Variants in MARCHF1 observed in about 807,000 individuals in gnomAD.
MARCHF1 encodes the protein membrane associated ring-CH-type finger 1.
MARCHF1 carries 40 observed loss-of-function variants against 54.2 expected under a neutral mutation model. The ratio of observed to expected loss-of-function variants is 0.74; its 90% CI spans 0.57 to 0.96. MARCHF1 has a LOEUF of 0.96. Among genes scored for constraint, MARCHF1 ranks in the 40% least tolerant of loss-of-function variants. The pLI, the probability that MARCHF1 is intolerant of heterozygous loss-of-function variation, is 0.00. For missense variants in MARCHF1, 586 were observed against 656.5 expected (o/e 0.89, Z 1.17); for synonymous variants, 236 against 236.3 (o/e 1.00, Z 0.01).
chr4:164,212,284 G>A (rs1229833670), intron 1 of MARCHF1, among the ~76,000 whole-genome samples: 3 of 152,094 alleles, frequency 2.0e-5, no homozygotes, highest in Non-Finnish European at 4.4e-5. Flanking sequence ...CATATGAGAT[G>A]ACATTATTTT....
intron 8 of MARCHF1, chr4:163,584,516 T>A (rs907762503): frequency 2.0e-5 from 3 of 152,154 alleles, no homozygotes; most frequent in Non-Finnish European, 4.4e-5. Flanking sequence ...TTGACACCTC[T>A]GGGCCCTAGA....
intron 1 of MARCHF1, among the ~76,000 whole-genome samples, chr4:164,347,651 C>T (rs1244924486): frequency 6.6e-6 from 1 of 152,056 alleles, no homozygotes; most frequent in Non-Finnish European, 1.5e-5. Context: ...TCTTAGTTCT[C>T]AAAATAAGAC....
intron 2 of MARCHF1, among the ~76,000 whole-genome samples, chr4:164,059,516 T>C (rs1754568905): frequency 6.6e-6 from 1 of 152,206 alleles, no homozygotes; most frequent in Non-Finnish European, 1.5e-5. Flanking sequence ...TTAGCTTTAT[T>C]GGCATTATAT....
intron 9 of MARCHF1, among the ~76,000 whole-genome samples, chr4:163,534,315 C>G (rs991098788): frequency 1.3e-5 from 2 of 152,054 alleles, no homozygotes; most frequent in African/African-American, 4.8e-5. Flanking sequence ...GAGAAAAAAT[C>G]TTTTTGCCAT....
At chr4:164,319,085 C>T (rs563031738) in intron 1 of MARCHF1, among the ~76,000 whole-genome samples, 2 of 152,152 alleles carry the variant, frequency 1.3e-5, no homozygotes, top group East Asian at 3.9e-4. Context: ...AGTTCCACAT[C>T]CATGGATTCA....
In MARCHF1 at chr4:163,683,201, T is replaced by C. The variant is rs563446103; in HGVS notation, c.162+17612A>G. On this transcript the variant is annotated intron_variant, in intron 5 of 9. Coordinates refer to ENST00000514618, the MANE Select transcript of MARCHF1 (RefSeq NM_001394959.1). ...CAATTTGCAAAAGAAAGAGGTTTAA[T>C]GGACTTACACTTCCACGTGGCTGGG... is the stretch of plus-strand genomic sequence containing the variant. 1.8e-3 allele frequency among the ~76,000 whole-genome samples: 281 copies of C among 152,294 alleles called. 1 individual carries two copies. The highest frequency in any genetic ancestry group is 6.6e-3 in the African/African-American group (273 of 41,556).
chr4:163,642,179 G>A (rs1004528072), intron 5 of MARCHF1, among the ~76,000 whole-genome samples: 3 of 152,132 alleles, frequency 2.0e-5, no homozygotes, highest in Non-Finnish European at 4.4e-5. Flanking sequence ...AATATGTGGC[G>A]GTGCCAGTGA....
At chr4:163,784,119 T>G (rs1350268701) in intron 4 of MARCHF1, among the ~76,000 whole-genome samples, 1 of 151,772 alleles carries the variant, frequency 6.6e-6, no homozygotes, top group East Asian at 1.9e-4. Context: ...GATGAAAATA[T>G]GATTCTAACC....
At chr4:164,314,031 AC>A (rs764757780) in intron 1 of MARCHF1, among the ~76,000 whole-genome samples, 27 of 152,140 alleles carry the variant, frequency 1.8e-4, no homozygotes, top group Non-Finnish European at 3.1e-4. Flanking sequence ...ACATTCTGAT[AC>A]TCTCCTGCTT....
chr4:163,565,492 G>T (rs995180893), intron 8 of MARCHF1, among the ~76,000 whole-genome samples: 3 of 152,196 alleles, frequency 2.0e-5, no homozygotes, highest in East Asian at 3.9e-4. Context: ...GTTATGTCAA[G>T]ATTGCAAACA....
intron 3 of MARCHF1, among the ~76,000 whole-genome samples, chr4:163,858,601 C>T (rs1749834540): frequency 6.6e-6 from 1 of 152,110 alleles, no homozygotes; most frequent in Admixed American, 6.5e-5. Context: ...AAACATGTCT[C>T]AACTATTAGC....
intron 4 of MARCHF1, among the ~76,000 whole-genome samples, chr4:163,835,472 A>G (rs988993454): frequency 1.1e-4 from 17 of 152,198 alleles, no homozygotes; most frequent in African/African-American, 4.1e-4. Context: ...AACTTGTGCC[A>G]ATCTCCAGGT....
chr4:164,285,232 A>C (rs1433688995), intron 1 of MARCHF1, among the ~76,000 whole-genome samples: 5 of 152,056 alleles, frequency 3.3e-5, no homozygotes, highest in African/African-American at 1.2e-4. Flanking sequence ...ATTACAATTT[A>C]CTACTGAAGA....
intron 5 of MARCHF1, among the ~76,000 whole-genome samples, chr4:163,628,995 A>C (rs1741973229): frequency 6.6e-6 from 1 of 152,212 alleles, no homozygotes; most frequent in Non-Finnish European, 1.5e-5. Context: ...TTATAGATTC[A>C]ATGCTATCCC....
intron 2 of MARCHF1, among the ~76,000 whole-genome samples, chr4:164,034,019 C>A (rs1349604231): frequency 2.0e-5 from 3 of 151,716 alleles, no homozygotes; most frequent in Middle Eastern, 3.2e-3. Flanking sequence ...GGCATGGAAC[C>A]AACTCAAATG....
chr4:164,363,793 TTACA>T (rs1466156433), intron 1 of MARCHF1, among the ~76,000 whole-genome samples: 1 of 89,110 alleles, frequency 1.1e-5, no homozygotes. Context: ...GTCTGTGTTC[TTACA>T]TACTATGGAT....
chr4:163,611,357 C>T (rs1376073725), intron 7 of MARCHF1, among the ~76,000 whole-genome samples: 1 of 151,982 alleles, frequency 6.6e-6, no homozygotes, highest in Non-Finnish European at 1.5e-5. Flanking sequence ...CATGAGCAGC[C>T]TTCTCTGGGT....
At chr4:164,219,816 C>G (rs1033284074) in intron 1 of MARCHF1, among the ~76,000 whole-genome samples, 1 of 151,972 alleles carries the variant, frequency 6.6e-6, no homozygotes, top group Non-Finnish European at 1.5e-5. Context: ...CAATGCTACA[C>G]TAGGACATTA....
chr4:163,982,190 C>T (rs1341165059), intron 3 of MARCHF1, among the ~76,000 whole-genome samples: 3 of 152,180 alleles, frequency 2.0e-5, no homozygotes, highest in Non-Finnish European at 2.9e-5. Flanking sequence ...GTGGAATTCA[C>T]TCTAAGCACA....
Sources: allele counts gnomAD v4.1 joint callset (sites outside exome capture counted in the v4.1 genomes callset), GRCh38; gene constraint gnomAD v4.1.1; transcripts MANE v1.5; gene names NCBI Gene and HGNC (gene_info 2026-07-23, HGNC 2026-07-21).